The following PRIM2 variants were observed in gnomAD, a reference collection of about 807,000 sequenced individuals.
PRIM2 encodes DNA primase subunit 2.
In PRIM2, 39 loss-of-function variants were observed where a neutral mutation model predicts 67.3. The ratio of observed to expected loss-of-function variants is 0.58; its 90% CI spans 0.45 to 0.76. The LOEUF is 0.76. Ranked by LOEUF, PRIM2 falls within the 30% of genes least tolerant of loss-of-function variation. The pLI is 0.00. For missense variants in PRIM2, 398 were observed against 598.7 expected, an observed-to-expected ratio of 0.66 and a Z score of 3.50; for synonymous variants, 143 against 198.7, an observed-to-expected ratio of 0.72 and a Z score of 2.36.
chr6:57,569,142 G>A (rs1267597305), intron 10 of PRIM2, among the ~76,000 whole-genome samples: 11 of 152,160 alleles, frequency 7.2e-5, no homozygotes, highest in Non-Finnish European at 1.6e-4. Flanking sequence ...TTTTCCTAAG[G>A]TCTGTCTTAT....
chr6:57,471,864 T>C (rs1562770295), intron 7 of PRIM2, among the ~76,000 whole-genome samples: 1 of 152,198 alleles, frequency 6.6e-6, no homozygotes, highest in Admixed American at 6.5e-5. Flanking sequence ...AAGTTGAATT[T>C]TACATATTTC....
In PRIM2 at chr6:57,610,759, T is replaced by C. The variant is rs1229791431; in HGVS notation, c.1230+4302T>C. 2.0e-5 allele frequency among the ~76,000 whole-genome samples: 3 copies of C among 152,312 alleles called. 1 individual carries two copies. The highest frequency in any genetic ancestry group is 1.5e-5 in the Non-Finnish European group (1 of 68,026). ...AGAGAACTAGACAAATCCACAGTTA[T>C]ATTTGGAGACTTCAGCACTCCTCTT... On this transcript the variant is annotated intron_variant, in intron 12 of 13. Coordinates refer to ENST00000615550, the MANE Select transcript of PRIM2 (RefSeq NM_000947.5).
chr6:57,356,032 G>C (rs569258570), intron 5 of PRIM2, among the ~76,000 whole-genome samples: 1 of 152,288 alleles, frequency 6.6e-6, no homozygotes, highest in African/African-American at 2.4e-5. Context: ...AGGGTGTTAG[G>C]ATAGGGCATC....
intron 10 of PRIM2, among the ~76,000 whole-genome samples, chr6:57,539,612 T>TTGTGTGTG (rs1232932730): frequency 7.7e-6 from 1 of 129,276 alleles, no homozygotes; most frequent in South Asian, 2.8e-4. Flanking sequence ...ATTATATTCT[T>TTGTGTGTG]TGTGTGTGTG....
intron 12 of PRIM2, among the ~76,000 whole-genome samples, chr6:57,606,776 A>G (rs1776569908): frequency 6.6e-6 from 1 of 152,220 alleles, no homozygotes; most frequent in African/African-American, 2.4e-5. Flanking sequence ...TGAGCAATGC[A>G]TGGAAGCTTA....
At chr6:57,261,066 T>C in the PRIM2 span, among the ~76,000 whole-genome samples, 1 of 152,196 alleles carries the variant, frequency 6.6e-6, no homozygotes, top group East Asian at 1.9e-4. Flanking sequence ...AAGCCATGTG[T>C]ATTTTCATTT....
intron 5 of PRIM2, among the ~76,000 whole-genome samples, chr6:57,349,269 G>A (rs761795340): frequency 3.3e-5 from 5 of 151,434 alleles, no homozygotes; most frequent in African/African-American, 7.3e-5. Context: ...TTCTGAGTTC[G>A]CTTTTTTGAC....
the PRIM2 span, among the ~76,000 whole-genome samples, chr6:57,308,572 G>C: frequency 6.6e-6 from 1 of 152,152 alleles, no homozygotes; most frequent in Admixed American, 6.5e-5. Flanking sequence ...GGGATAAAGA[G>C]TCATATGTTT....
intron 10 of PRIM2, among the ~76,000 whole-genome samples, chr6:57,570,600 C>A (rs1775844355): frequency 6.6e-6 from 1 of 152,012 alleles, no homozygotes; most frequent in Non-Finnish European, 1.5e-5. Flanking sequence ...TCTGGGGATT[C>A]TAATAAAAAA....
intron 5 of PRIM2, among the ~76,000 whole-genome samples, chr6:57,343,573 T>G (rs77599312): frequency 3.9e-5 from 6 of 152,204 alleles, no homozygotes; most frequent in Admixed American, 1.3e-4. Context: ...ACACATGTGT[T>G]TGATAAGCCT....
chr6:57,237,831 G>A, the PRIM2 span, among the ~76,000 whole-genome samples: 5 of 152,300 alleles, frequency 3.3e-5, no homozygotes, highest in African/African-American at 1.2e-4. Context: ...TTGTGGTATA[G>A]TTTGAAATCA....
At chr6:57,585,873 G>C (rs1306733384) in intron 10 of PRIM2, among the ~76,000 whole-genome samples, 1 of 152,256 alleles carries the variant, frequency 6.6e-6, no homozygotes, top group Non-Finnish European at 1.5e-5. Context: ...AGTCCATCTT[G>C]TGTTCAGTTC....
intron 8 of PRIM2, among the ~76,000 whole-genome samples, chr6:57,519,307 C>T (rs1554348623): frequency 6.6e-6 from 1 of 152,170 alleles, no homozygotes; most frequent in Non-Finnish European, 1.5e-5. Flanking sequence ...ATTTATTAGG[C>T]AGGAATTTCC....
chr6:57,316,173 A>T (rs1385497907), upstream of PRIM2, among the ~76,000 whole-genome samples: 1 of 152,188 alleles, frequency 6.6e-6, no homozygotes, highest in East Asian at 1.9e-4. Flanking sequence ...TACGTTTAAT[A>T]TAATAACCTT....
intron 7 of PRIM2, among the ~76,000 whole-genome samples, chr6:57,460,721 T>C (rs1444788036): frequency 5.9e-5 from 9 of 152,318 alleles, no homozygotes; most frequent in Non-Finnish European, 1.2e-4. Flanking sequence ...ATATCATTAA[T>C]TTTATAAGAC....
intron 13 of PRIM2, among the ~76,000 whole-genome samples, chr6:57,645,644 G>A (rs1368907066): frequency 2.6e-5 from 4 of 151,770 alleles, no homozygotes; most frequent in African/African-American, 9.7e-5. Flanking sequence ...CATCTTAGAT[G>A]TTGAGTAGGT....
upstream of PRIM2, among the ~76,000 whole-genome samples, chr6:57,316,212 G>C (rs1357107118): frequency 6.6e-6 from 1 of 152,162 alleles, no homozygotes; most frequent in African/African-American, 2.4e-5. Context: ...GGATCACGAG[G>C]TCAGGAGTTC....
intron 12 of PRIM2, among the ~76,000 whole-genome samples, chr6:57,609,236 A>G (rs1776620758): frequency 6.6e-6 from 1 of 152,220 alleles, no homozygotes; most frequent in Non-Finnish European, 1.5e-5. Context: ...GAAGGACGAT[A>G]TGTACTTGAA....
Position 57,382,011 on chromosome 6 carries a change from C to G in PRIM2, c.556-20C>G, listed in dbSNP as rs1419155518. ...AATGACAGGTGCTGACTTATTTTGC[C>G]TGTTTTACTCTTAATTCAGATCCCT... is the stretch of plus-strand genomic sequence containing the variant. On this transcript the variant is annotated intron_variant, in intron 6 of 13. Transcript: ENST00000615550. 3 of 1,591,924 alleles carry G rather than the reference C, an allele frequency of 1.9e-6. No homozygotes were observed. The highest frequency in any genetic ancestry group is 2.6e-6 in the Non-Finnish European group (3 of 1,166,400).
Sources: allele counts gnomAD v4.1 joint callset (sites outside exome capture counted in the v4.1 genomes callset), GRCh38; gene constraint gnomAD v4.1.1; transcripts MANE v1.5; gene names NCBI Gene and HGNC (gene_info 2026-07-23, HGNC 2026-07-21).